PIP5K1B: variants seen among roughly 807,000 people sequenced by gnomAD.
The protein encoded by PIP5K1B is phosphatidylinositol-4-phosphate 5-kinase type 1 beta.
Under a neutral mutation model 67.0 loss-of-function variants are expected in PIP5K1B, and 42 were observed. The observed-to-expected ratio is 0.63, with a 90% CI of 0.49 to 0.81. PIP5K1B has a LOEUF of 0.81. Ranked by LOEUF, PIP5K1B falls within the 30% of genes least tolerant of loss-of-function variation. PIP5K1B has a pLI of 0.00. For missense variants in PIP5K1B, 459 were observed against 646.3 expected (o/e 0.71, Z 3.14); for synonymous variants, 214 against 231.4 (o/e 0.92, Z 0.68).
At chr9:68,852,972 C>T (rs1822568740) in intron 4 of PIP5K1B, among the ~76,000 whole-genome samples, 2 of 152,110 alleles carry the variant, frequency 1.3e-5, no homozygotes, top group African/African-American at 4.8e-5. Context: ...TTAGCATTAA[C>T]AGGAACTCAA....
intron 2 of PIP5K1B, among the ~76,000 whole-genome samples, chr9:68,754,000 TTAGAG>T (rs1829780314): frequency 6.6e-6 from 1 of 151,914 alleles, no homozygotes; most frequent in Non-Finnish European, 1.5e-5. Context: ...TATAAGAACA[TTAGAG>T]TAATTTTGTC....
At chr9:68,898,546 G>A (rs569927053) in intron 8 of PIP5K1B, among the ~76,000 whole-genome samples, 24 of 152,154 alleles carry the variant, frequency 1.6e-4, no homozygotes, top group Non-Finnish European at 2.4e-4. Flanking sequence ...GCTCCCACGT[G>A]ACAGACAAGC....
intron 4 of PIP5K1B, among the ~76,000 whole-genome samples, chr9:68,829,959 G>C (rs1364665627): frequency 6.6e-6 from 1 of 152,106 alleles, no homozygotes; most frequent in Non-Finnish European, 1.5e-5. Flanking sequence ...TAGTCTCCTG[G>C]GGGTAGCTGC....
intron 2 of PIP5K1B, among the ~76,000 whole-genome samples, chr9:68,759,989 G>A (rs1277966805): frequency 7.2e-5 from 11 of 152,086 alleles, no homozygotes; most frequent in Non-Finnish European, 1.2e-4. Context: ...AGCAAACAGG[G>A]TTGGTCAGAA....
At chr9:68,919,927 A>G (rs1008658883) in intron 11 of PIP5K1B, among the ~76,000 whole-genome samples, 198 bp downstream of exon 11, 2 of 152,250 alleles carry the variant, frequency 1.3e-5, no homozygotes, top group African/African-American at 2.4e-5. Context: ...CTTCAAATAC[A>G]TGACATCCAG....
chr9:68,833,940 G>A (rs887361555), intron 4 of PIP5K1B, among the ~76,000 whole-genome samples: 1 of 152,216 alleles, frequency 6.6e-6, no homozygotes, highest in Non-Finnish European at 1.5e-5. Context: ...CAAGGAAGAG[G>A]TCTGGGGCTC....
chr9:68,840,594 G>T (rs1053222176), intron 4 of PIP5K1B, among the ~76,000 whole-genome samples: 7 of 152,074 alleles, frequency 4.6e-5, no homozygotes, highest in African/African-American at 1.7e-4. Context: ...TTTCCACAGG[G>T]GCCACTTACA....
chr9:68,853,447 A>G (rs1469177398), intron 4 of PIP5K1B, among the ~76,000 whole-genome samples: 1 of 152,214 alleles, frequency 6.6e-6, no homozygotes, highest in African/African-American at 2.4e-5. Flanking sequence ...TCTGCCCACC[A>G]TCTCAAGCCT....
At chr9:68,757,582 C>T (rs931390676) in intron 2 of PIP5K1B, among the ~76,000 whole-genome samples, 3 of 152,154 alleles carry the variant, frequency 2.0e-5, no homozygotes, top group Non-Finnish European at 4.4e-5. Flanking sequence ...CTCCTGCTCT[C>T]TCTCGTAAAT....
chr9:68,711,713 CT>C (rs1827403219), intron 1 of PIP5K1B, among the ~76,000 whole-genome samples: 1 of 152,036 alleles, frequency 6.6e-6, no homozygotes, highest in Non-Finnish European at 1.5e-5. Context: ...TAGACTACAA[CT>C]TTTTTAACCA....
At chr9:68,893,184 C>T (rs1271405963) in intron 7 of PIP5K1B, among the ~76,000 whole-genome samples, 2 of 151,988 alleles carry the variant, frequency 1.3e-5, no homozygotes, top group Admixed American at 1.3e-4. Context: ...AAAGTGAGAG[C>T]AGTGGTTTTC....
chr9:68,734,902 G>A (rs1381254888), intron 1 of PIP5K1B, among the ~76,000 whole-genome samples: 1 of 152,206 alleles, frequency 6.6e-6, no homozygotes, highest in African/African-American at 2.4e-5. Context: ...GGCAAAACTG[G>A]AAAAGGCAAT....
In PIP5K1B at chr9:68,772,009, G is replaced by T. The variant is rs553480175; in HGVS notation, c.-86+29352G>T. 3.3e-5 allele frequency among the ~76,000 whole-genome samples: 5 copies of T among 152,266 alleles called. No homozygotes were observed. The South Asian group carries it at 1.0e-3, about 32-fold the overall frequency. The stretch of plus-strand genomic sequence containing the variant: ...GTCATATTTAGCTCAAAGGAAAGGT[G>T]CATGAAAAGGGAAGAAACTGCCCGC... On this transcript the variant is annotated intron_variant, in intron 2 of 15. Transcript: ENST00000265382.
chr9:68,968,711 A>T (rs754372639), intron 14 of PIP5K1B, among the ~76,000 whole-genome samples: 5,019 of 138,864 alleles, frequency 0.036, 124 homozygotes, highest in South Asian at 0.084. Context: ...ATATATATAT[A>T]TATATTTTTT....
Position 68,825,929 on chromosome 9 carries a change from C to T in PIP5K1B, c.69+3246C>T, listed in dbSNP as rs138959200. 1.1e-3 allele frequency among the ~76,000 whole-genome samples: 175 copies of T among 152,326 alleles called. 2 individuals are homozygous for T. Among genetic ancestry groups the T allele is most frequent in the Non-Finnish European group, 2.0e-3 (139 of 68,036 alleles). On this transcript the variant is annotated intron_variant, in intron 4 of 15. Coordinates refer to ENST00000265382, the MANE Select transcript of PIP5K1B (RefSeq NM_003558.4). The stretch of plus-strand genomic sequence containing the variant: ...GATTTCCACGTGTTATTAGGGAACA[C>T]TCAGTGTTCATGGGACAACTTTACA...
At chr9:68,864,414 T>C (rs934975553) in intron 5 of PIP5K1B, among the ~76,000 whole-genome samples, 2 of 152,234 alleles carry the variant, frequency 1.3e-5, no homozygotes, top group Admixed American at 1.3e-4. Context: ...TCTTATCTCT[T>C]CTCTTTTATG....
chr9:68,980,787 C>A (rs1829853186), intron 14 of PIP5K1B, among the ~76,000 whole-genome samples: 1 of 152,168 alleles, frequency 6.6e-6, no homozygotes, highest in African/African-American at 2.4e-5. Context: ...TTCTTCCCCA[C>A]ATGACAGTTT....
At chr9:68,809,105 T>C (rs530866406) in intron 2 of PIP5K1B, among the ~76,000 whole-genome samples, 1 of 152,230 alleles carries the variant, frequency 6.6e-6, no homozygotes, top group African/African-American at 2.4e-5. Flanking sequence ...AAATATTCTT[T>C]AAAAAACTCT....
At chr9:68,896,538 G>A (rs1205277266) in intron 8 of PIP5K1B, among the ~76,000 whole-genome samples, 1 of 152,202 alleles carries the variant, frequency 6.6e-6, no homozygotes, top group Admixed American at 6.5e-5. Context: ...TAAAGGTCAA[G>A]GTAGAGGTAT....
Sources: allele counts gnomAD v4.1 joint callset (sites outside exome capture counted in the v4.1 genomes callset), GRCh38; gene constraint gnomAD v4.1.1; transcripts MANE v1.5; gene names NCBI Gene and HGNC (gene_info 2026-07-23, HGNC 2026-07-21).